Variants in CARMIL1 observed in about 807,000 individuals in gnomAD.
CARMIL1 encodes F-actin-uncapping protein LRRC16A.
A neutral mutation model predicts 177.1 loss-of-function variants in CARMIL1; 90 were observed. The observed-to-expected ratio is 0.51, with a 90% CI of 0.43 to 0.61. CARMIL1 has a LOEUF of 0.61. CARMIL1 is among the 20% of genes least tolerant of loss of function. CARMIL1 has a pLI of 0.00. For synonymous variants in CARMIL1, 577 were observed against 606.2 expected (o/e 0.95, Z 0.71); for missense variants, 1,380 against 1,667.0 (o/e 0.83, Z 3.00).
At position 25,326,248 on chromosome 6, in the gene CARMIL1, A is replaced by G. The variant is rs1785084076; in HGVS notation, c.138+41339A>G. 6.6e-6 allele frequency among the ~76,000 whole-genome samples: 1 copy of G among 152,154 alleles called. No homozygotes were observed. The highest frequency in any genetic ancestry group is 1.5e-5 in the Non-Finnish European group (1 of 68,032). On this transcript the variant is annotated intron_variant, in intron 2 of 36. Coordinates refer to ENST00000329474, the MANE Select transcript of CARMIL1 (RefSeq NM_017640.6). The surrounding 1 kb of genome is among the most constrained non-coding windows in gnomAD (Gnocchi z 4.2). ...TGCCAGCCATTTGAAGAGTGAGGGAAAGGGGTTTCCAGGCAGATTCAATAT... is the reference window on the plus strand; with the variant it reads ...TGCCAGCCATTTGAAGAGTGAGGGAGAGGGGTTTCCAGGCAGATTCAATAT...
chr6:25,384,000 C>T (rs1020536487), intron 2 of CARMIL1, among the ~76,000 whole-genome samples: 25 of 152,224 alleles, frequency 1.6e-4, no homozygotes, highest in Admixed American at 8.5e-4. Context: ...CCACCATCCC[C>T]GGGTAATTTT....
intron 29 of CARMIL1, among the ~76,000 whole-genome samples, chr6:25,574,703 TCTTTTTTGAAA>T (rs1426543881): frequency 6.6e-6 from 1 of 152,216 alleles, no homozygotes; most frequent in Non-Finnish European, 1.5e-5. Context: ...ACCACGTGTA[TCTTTTTTGAAA>T]CTTGCCTTTT....
At chr6:25,583,139 G>A (rs1813283192) in intron 31 of CARMIL1, among the ~76,000 whole-genome samples, 1 of 152,226 alleles carries the variant, frequency 6.6e-6, no homozygotes, top group Admixed American at 6.5e-5. Flanking sequence ...TGGGGACAGA[G>A]GAAAGAATCT....
chr6:25,415,199 G>A (rs1000184713), intron 2 of CARMIL1, among the ~76,000 whole-genome samples: 2 of 150,886 alleles, frequency 1.3e-5, no homozygotes, highest in South Asian at 4.2e-4. Flanking sequence ...GTCTTGCTCT[G>A]TCACCCAGGC....
intron 26 of CARMIL1, among the ~76,000 whole-genome samples, chr6:25,548,542 T>C (rs1362693550): frequency 6.6e-6 from 1 of 152,112 alleles, no homozygotes; most frequent in African/African-American, 2.4e-5. Context: ...GGAATAACAG[T>C]TTGAAGCCAC....
At chr6:25,406,075 C>T (rs982403604) in intron 2 of CARMIL1, among the ~76,000 whole-genome samples, 1 of 152,148 alleles carries the variant, frequency 6.6e-6, no homozygotes, top group Admixed American at 6.5e-5. Context: ...GGTCCCTGCT[C>T]CCAGGCACCT....
At chr6:25,416,570 C>T (rs1472963526) in intron 2 of CARMIL1, among the ~76,000 whole-genome samples, 1 of 152,144 alleles carries the variant, frequency 6.6e-6, no homozygotes, top group Non-Finnish European at 1.5e-5. Flanking sequence ...TGAAAGGATC[C>T]TGAATTCCTT....
At chr6:25,382,812 G>A (rs1254528059) in intron 2 of CARMIL1, among the ~76,000 whole-genome samples, 2 of 152,170 alleles carry the variant, frequency 1.3e-5, no homozygotes, top group Non-Finnish European at 2.9e-5. Context: ...TACCTAGACA[G>A]AAAAGTTCTC....
intron 23 of CARMIL1, among the ~76,000 whole-genome samples, chr6:25,528,315 T>C (rs781224410): frequency 1.3e-5 from 2 of 152,208 alleles, no homozygotes; most frequent in Non-Finnish European, 2.9e-5. Context: ...TTTCTCTCTC[T>C]TTTTACGTAA....
intron 12 of CARMIL1, among the ~76,000 whole-genome samples, chr6:25,483,875 C>T (rs959520820): frequency 6.6e-6 from 1 of 151,906 alleles, no homozygotes; most frequent in African/African-American, 2.4e-5. Context: ...TCAAGCGATC[C>T]TCCCGCCTCA....
intron 26 of CARMIL1, among the ~76,000 whole-genome samples, chr6:25,547,592 C>A (rs773632974): frequency 6.6e-6 from 1 of 152,072 alleles, no homozygotes; most frequent in Admixed American, 6.6e-5. Flanking sequence ...TTAATATGTT[C>A]CTTAGTGATT....
At chr6:25,500,037 T>G in intron 16 of CARMIL1, 129 bp from the exon 17 acceptor site, 1 of 715,624 alleles carries the variant, frequency 1.4e-6, no homozygotes, top group South Asian at 1.8e-5. Context: ...AGTAAGAGGG[T>G]GCTTGGTGCT....
rs556131423 is a variant in CARMIL1, at chr6:25,546,456, T to C, written c.2329-4454T>C. ...GGCTCACACCTGTAATCCCAGCACC[T>C]TGGGAGGCTGAGGCTGGAAGATCTT... On this transcript the variant is annotated intron_variant, in intron 26 of 36. Coordinates refer to ENST00000329474, the MANE Select transcript of CARMIL1 (RefSeq NM_017640.6). Among the ~76,000 whole-genome samples, 3 of 152,088 alleles carry C rather than the reference T, an allele frequency of 2.0e-5. No homozygotes were observed. In the East Asian group the frequency reaches 5.8e-4, roughly 29 times the overall value.
intron 27 of CARMIL1, among the ~76,000 whole-genome samples, chr6:25,551,862 C>T (rs891695132): frequency 1.3e-5 from 2 of 151,954 alleles, no homozygotes; most frequent in African/African-American, 2.4e-5. Context: ...GAGCTGGGGG[C>T]GGTGCTAACA....
At chr6:25,521,634 T>C (rs914361728) in intron 23 of CARMIL1, among the ~76,000 whole-genome samples, 4 of 151,958 alleles carry the variant, frequency 2.6e-5, no homozygotes, top group African/African-American at 9.7e-5. Context: ...CCTGACTAGG[T>C]GGCGGGCGCC....
intron 28 of CARMIL1, 43 bp from the exon 29 acceptor site, chr6:25,556,658 C>A (rs1265876240): frequency 1.3e-6 from 2 of 1,576,778 alleles, no homozygotes; most frequent in Non-Finnish European, 1.7e-6. Context: ...CCAGCACTTT[C>A]TCTGTACTTT....
intron 24 of CARMIL1, among the ~76,000 whole-genome samples, chr6:25,532,748 C>T (rs906019096): frequency 6.6e-6 from 1 of 152,134 alleles, no homozygotes; most frequent in Non-Finnish European, 1.5e-5. Flanking sequence ...ATTCTATTTT[C>T]GTTTTTGATG....
intron 2 of CARMIL1, among the ~76,000 whole-genome samples, chr6:25,304,469 C>T (rs1004230666): frequency 1.3e-5 from 2 of 152,168 alleles, no homozygotes; most frequent in Admixed American, 1.3e-4. Flanking sequence ...TAAACTGTTC[C>T]ACCTCAGATC....
chr6:25,341,100 G>A (rs1786881124), intron 2 of CARMIL1, among the ~76,000 whole-genome samples: 1 of 152,084 alleles, frequency 6.6e-6, no homozygotes, highest in African/African-American at 2.4e-5. Flanking sequence ...ATCCTTGTTT[G>A]ATCTCATGAT....
Sources: gnomAD v4.1 joint callset for allele counts (sites outside exome capture counted in the v4.1 genomes callset) on GRCh38, gnomAD v4.1.1 for gene constraint, Gnocchi (gnomAD v3.1) non-coding constraint, MANE v1.5 for transcripts, NCBI Gene and HGNC (gene_info 2026-07-23, HGNC 2026-07-21) for gene names.